The following CORO1B variants were observed in gnomAD, a reference collection of about 807,000 sequenced individuals.
The protein encoded by CORO1B is coronin-1B.
A neutral mutation model predicts 51.1 loss-of-function variants in CORO1B; 30 were observed. The observed-to-expected ratio is 0.59, with a 90% CI of 0.44 to 0.80. The LOEUF (loss-of-function observed/expected upper bound fraction) is 0.80. Among genes scored for constraint, CORO1B ranks in the 30% least tolerant of loss-of-function variants. CORO1B has a pLI of 0.00. For synonymous variants in CORO1B, 310 were observed against 289.7 expected (o/e 1.07, Z -0.71); for missense variants, 648 against 700.4 (o/e 0.93, Z 0.84).
In CORO1B at chr11:67,437,864, A is replaced by T. The variant is rs1187315025; in HGVS notation, c.*512T>A. On this transcript the variant is annotated 3_prime_UTR_variant, in exon 11 of 11. Coordinates refer to ENST00000341356, the MANE Select transcript of CORO1B (RefSeq NM_020441.3). ...AGAAGCAGCACCAACTTGAAGCTGG[A>T]TGCAGCCTTGCATGTGTTCTCAGGT... 2.5e-6 allele frequency: 1 copy of T among 396,460 alleles called. No homozygotes were observed. The highest frequency in any genetic ancestry group is 2.1e-5 in the African/African-American group (1 of 48,558). The allele number at this position is 396,460 out of a possible 1,614,324, so 24.6% of individuals were successfully genotyped here.
chr11:67,438,980 GT>G (rs760328058), intron 9 of CORO1B, 31 bp from the exon 10 acceptor site: 1 of 1,575,020 alleles, frequency 6.3e-7, no homozygotes, highest in Admixed American at 1.7e-5. Context: ...GTCAGGATCA[GT>G]TAGGAGGCCC....
chr11:67,435,777 C>G lies in CORO1B; in HGVS notation c.*2599G>C. 1.3e-6 allele frequency: 2 copies of G among 1,574,300 alleles called. No homozygotes were observed. Among genetic ancestry groups the G allele is most frequent in the Non-Finnish European group, 1.7e-6 (2 of 1,160,650 alleles). On this transcript the variant is annotated 3_prime_UTR_variant, in exon 11 of 11. Transcript: ENST00000341356. ...AGGCCCTGGCCCCCAGCTGCCCTGG[C>G]GCTGTCATCCCAGGCTGCGCTGCCA... is the stretch of plus-strand genomic sequence containing the variant.
At chr11:67,443,713 G>A, upstream of CORO1B, 3 of 984,876 alleles carry the variant, frequency 3.0e-6, no homozygotes, top group Non-Finnish European at 3.6e-6. Flanking sequence ...GGCCGACGGC[G>A]GCCGCCGCAG....
intron 9 of CORO1B, among the ~76,000 whole-genome samples, chr11:67,439,336 T>C (rs368811395): frequency 6.6e-6 from 1 of 152,254 alleles, no homozygotes. Flanking sequence ...TCCGAGGCTC[T>C]TGGCATCTGA....
rs942935140 is a variant in CORO1B, at chr11:67,441,985, G to A, written c.305C>T (p.Ser102Leu). ...CCTCACCATGACCGTGCAGTCCTCC[G>A]AGCCGCTGGCTATGACTTCGTCGTT... ...PHNDEVIASG[S>L]EDCTVMVWQI... The change falls in exon 3 of 11, where the codon TCG becomes TTG. Residue 102 changes from serine to leucine, a missense_variant. Transcript: ENST00000341356. 18 of 1,613,090 alleles carry A rather than the reference G, an allele frequency of 1.1e-5. No individual in the cohort carries two copies. Among genetic ancestry groups the A allele is most frequent in the East Asian group, 4.5e-5 (2 of 44,896 alleles).
In CORO1B at chr11:67,437,502, C is replaced by A; in HGVS notation, c.*874G>T. ...AGCCTCTGCCATACTCCTCTTAGGT[C>A]TCACCTCTTCCCTGGGGCCAATGTG... On this transcript the variant is annotated 3_prime_UTR_variant, in exon 11 of 11. Coordinates refer to ENST00000341356, the MANE Select transcript of CORO1B (RefSeq NM_020441.3). 1.6e-6 allele frequency: 2 copies of A among 1,213,880 alleles called. No individual in the cohort carries two copies. Among genetic ancestry groups the A allele is most frequent in the South Asian group, 3.2e-5 (1 of 30,974 alleles). The allele number at this position is 1,213,880 out of a possible 1,614,324, so 75.2% of individuals were successfully genotyped here.
At position 67,438,909 on chromosome 11, in the gene CORO1B, C is replaced by G. The variant is rs767433167; in HGVS notation, c.1106G>C (p.Gly369Ala). ...CTCAGCCTCCAGGGCTGCCTCGGGC[C>G]CGGCTGTGTCGGGGTACAGATCATC... ...FQDDLYPDTA[G>A]PEAALEAEEW... is the part of the protein sequence containing the mutation. Residue 369 changes from glycine (G) to alanine (A), a missense_variant, in exon 10 of 11, where the codon GGG (glycine) becomes GCG (alanine). By Grantham distance (60) the Gly-to-Ala change is moderately conservative. Transcript: ENST00000341356. 4.8e-5 allele frequency: 78 copies of G among 1,609,238 alleles called. No homozygotes were observed. The highest frequency in any genetic ancestry group is 1.5e-4 in the Admixed American group (9 of 59,660).
At position 67,440,347 on chromosome 11, in the gene CORO1B, G is replaced by A. The variant is rs756892060; in HGVS notation, c.849C>T (p.Tyr283=). 1.4e-5 allele frequency: 22 copies of A among 1,613,750 alleles called. No homozygotes were observed. Among genetic ancestry groups the A allele is most frequent in the African/African-American group, 2.7e-5 (2 of 75,032 alleles). The change falls in exon 7 of 11, where the codon TAC becomes TAT. Residue 283 remains tyrosine (Y), a synonymous_variant. Coordinates refer to ENST00000341356, the MANE Select transcript of CORO1B (RefSeq NM_020441.3). ...TGCCCAGCCCCACCTTGCCGCAGAC[G>A]TAGACCACACTGGTGTCGGGGTCGT... ...PFYDPDTSVV[Y]VCGKGDSSIR...
rs1422443629 is a variant in CORO1B at position 67,435,826 on chromosome 11, C to T, written c.*2550G>A. On this transcript the variant is annotated 3_prime_UTR_variant, in exon 11 of 11. Transcript: ENST00000341356. ...CAGCAAAGGCGTGCAGGTCACTCAG[C>T]AGGGCCTCAGCACTGCCCCCTGCGC... 1.2e-6 allele frequency: 2 copies of T among 1,605,454 alleles called. No homozygotes were observed. The highest frequency in any genetic ancestry group is 1.7e-6 in the Non-Finnish European group (2 of 1,177,372).
upstream of CORO1B, chr11:67,443,741 G>A (rs2135150847): frequency 4.1e-6 from 4 of 985,262 alleles, no homozygotes; most frequent in Non-Finnish European, 2.4e-6. Context: ...GCAGGTGCGG[G>A]TGCAGCCTTA....
In CORO1B at chr11:67,439,542, G is replaced by A. The variant is rs552240785; in HGVS notation, c.1065+244C>T. ...GCTGCCACTCCCTCCCTGACTGCCTGGTGTCCTTCTCCTGTGGCTCATCCA... is the reference window on the plus strand; with the variant it reads ...GCTGCCACTCCCTCCCTGACTGCCTAGTGTCCTTCTCCTGTGGCTCATCCA... On this transcript the variant is annotated intron_variant, in intron 9 of 10. Coordinates refer to ENST00000341356, the MANE Select transcript of CORO1B (RefSeq NM_020441.3). Among the ~76,000 whole-genome samples, 3 of 152,300 alleles carry A rather than the reference G, an allele frequency of 2.0e-5. No homozygotes were observed. In the East Asian group the frequency reaches 5.8e-4, roughly 29 times the overall value.
chr11:67,435,854 G>A lies in CORO1B; in HGVS notation c.*2522C>T, dbSNP rs755617165. On this transcript the variant is annotated 3_prime_UTR_variant, in exon 11 of 11. Coordinates refer to ENST00000341356, the MANE Select transcript of CORO1B (RefSeq NM_020441.3). ...GGCCTCAGCACTGCCCCCTGCGCTCGCTGGTCCTGGGGAGCCGAGGACCAG... is the reference window on the plus strand; with the variant it reads ...GGCCTCAGCACTGCCCCCTGCGCTCACTGGTCCTGGGGAGCCGAGGACCAG... The A allele has an allele frequency of 5.0e-5, 81 of 1,609,774 alleles. No individual in the cohort carries two copies. The highest frequency in any genetic ancestry group is 6.5e-5 in the Non-Finnish European group (77 of 1,179,322).
rs773040562 is a variant in CORO1B, at chr11:67,441,248, T to G, written c.637-4A>C. The G allele has an allele frequency of 2.5e-6, 4 of 1,612,988 alleles. No individual in the cohort carries two copies. Among genetic ancestry groups the G allele is most frequent in the Non-Finnish European group, 2.5e-6 (3 of 1,179,936 alleles). ...CCTCATGAGCCTTCTCCCGCTCCTGTCGGGGGGACAGGCTGGTCAGTGCAG... is the reference window on the plus strand; with the variant it reads ...CCTCATGAGCCTTCTCCCGCTCCTGGCGGGGGGACAGGCTGGTCAGTGCAG... On this transcript the variant is annotated splice_polypyrimidine_tract_variant and splice_region_variant and intron_variant, in intron 5 of 10. Coordinates refer to ENST00000341356, the MANE Select transcript of CORO1B (RefSeq NM_020441.3).
At chr11:67,439,728 C>T (rs953926935) in intron 9 of CORO1B, 58 bp downstream of exon 9, 1 of 1,518,442 alleles carries the variant, frequency 6.6e-7, no homozygotes, top group East Asian at 2.4e-5. Context: ...CTGGTCACAA[C>T]TGCATGGCCC....
In CORO1B at chr11:67,436,252, GACA is replaced by G; in HGVS notation, c.*2121_*2123del. On this transcript the variant is annotated 3_prime_UTR_variant, in exon 11 of 11. Coordinates refer to ENST00000341356, the MANE Select transcript of CORO1B (RefSeq NM_020441.3). ...GCAGCAGCAGCAGCAGGACAACGGTGACAGAGCTGGAGCCCACGCTGTCCTCCG... is the reference window on the plus strand; with the variant it reads ...GCAGCAGCAGCAGCAGGACAACGGTGGAGCTGGAGCCCACGCTGTCCTCCG... 1 of 1,544,990 alleles carries G rather than the reference GACA, an allele frequency of 6.5e-7. No individual in the cohort carries two copies. The highest frequency in any genetic ancestry group is 8.7e-7 in the Non-Finnish European group (1 of 1,149,254).
intron 6 of CORO1B, 156 bp downstream of exon 6, chr11:67,440,969 G>T (rs753542615): frequency 8.6e-6 from 9 of 1,046,452 alleles, no homozygotes; most frequent in Non-Finnish European, 1.1e-5. Flanking sequence ...CGAGCAGGGG[G>T]CAGGAGAGGA....
chr11:67,441,090 A>G, intron 6 of CORO1B, 35 bp downstream of exon 6: 1 of 1,612,728 alleles, frequency 6.2e-7, no homozygotes, highest in Non-Finnish European at 8.5e-7. Context: ...GTGGGGCCCA[A>G]GTCTCAAGTT....
rs149783063 is a variant in CORO1B at position 67,441,772 on chromosome 11, C to A, written c.415G>T (p.Ala139Ser). Residue 139 changes from alanine to serine, a missense_variant, in exon 4 of 11, where the codon GCC (alanine) becomes TCC (serine). Coordinates refer to ENST00000341356, the MANE Select transcript of CORO1B (RefSeq NM_020441.3). ...ACGTTTCGGGCCGTGGGGTGCCAGG[C>A]GATGATGCCCACTCGCTTGGTGTGC... ...EGHTKRVGII[A>S]WHPTARNVLL... The A allele has an allele frequency of 7.4e-6, 12 of 1,612,604 alleles. No individual in the cohort carries two copies. In the Admixed American group the frequency reaches 1.7e-4, roughly 22 times the overall value.
At chr11:67,442,330 G>A (rs924869212) in intron 2 of CORO1B, 98 bp downstream of exon 2, 13 of 1,362,494 alleles carry the variant, frequency 9.5e-6, no homozygotes, top group African/African-American at 4.3e-5. Flanking sequence ...CTGCCCAGCA[G>A]TGTGAGAAAC....
Sources: allele counts gnomAD v4.1 joint callset (sites outside exome capture counted in the v4.1 genomes callset), GRCh38; gene constraint gnomAD v4.1.1; transcripts MANE v1.5; gene names NCBI Gene and HGNC (gene_info 2026-07-23, HGNC 2026-07-21).